The following SYNJ2 variants were observed in gnomAD, a reference collection of about 807,000 sequenced individuals.
SYNJ2 encodes polyphosphatidylinositol phosphatase SYNJ2.
In SYNJ2, 116 loss-of-function variants were observed where a neutral mutation model predicts 141.3. The observed-to-expected ratio is 0.82, with a 90% confidence interval of 0.71 to 0.96. The LOEUF is 0.96. Ranked by LOEUF, SYNJ2 falls within the 40% of genes least tolerant of loss-of-function variation. The pLI, the probability that SYNJ2 is intolerant of heterozygous loss-of-function variation, is 0.00. For missense variants in SYNJ2, 1,873 were observed against 1,934.8 expected (o/e 0.97, Z 0.60); for synonymous variants, 745 against 777.7 (o/e 0.96, Z 0.70).
intron 2 of SYNJ2, among the ~76,000 whole-genome samples, chr6:158,020,271 C>G (rs1778694602): frequency 7.0e-6 from 1 of 142,278 alleles, no homozygotes; most frequent in Admixed American, 6.7e-5. Flanking sequence ...GTGTGACCCC[C>G]ACCTGCGTGA....
At chr6:158,085,994 A>G (rs1459221196) in intron 22 of SYNJ2, among the ~76,000 whole-genome samples, 1 of 152,140 alleles carries the variant, frequency 6.6e-6, no homozygotes, top group Non-Finnish European at 1.5e-5. Context: ...GTGTGAGCAC[A>G]GATAGTCCTT....
intron 1 of SYNJ2, among the ~76,000 whole-genome samples, chr6:157,998,153 C>CTTCCTGGCAGTTT (rs1777705637): frequency 6.6e-6 from 1 of 152,248 alleles, no homozygotes; most frequent in Admixed American, 6.5e-5. Flanking sequence ...AGCGAGGGGT[C>CTTCCTGGCAGTTT]TTCCTGGCAG....
intron 4 of SYNJ2, among the ~76,000 whole-genome samples, chr6:158,037,563 G>A (rs575484602): frequency 2.2e-4 from 33 of 151,820 alleles, no homozygotes; most frequent in East Asian, 9.7e-4. Flanking sequence ...CACCACGCCC[G>A]GCTAATTTTT....
At position 157,987,557 on chromosome 6, in the gene SYNJ2, A is replaced by G. The variant is rs199962563; in HGVS notation, c.127+5469A>G. ...GCTGGGACTACAGGCGCGTGCCATC[A>G]CGTCCGGCTAATTTTTGTATTTTTA... On this transcript the variant is annotated intron_variant, in intron 1 of 26. Transcript: ENST00000355585. Among the ~76,000 whole-genome samples the G allele has an allele frequency of 2.9e-4, 44 of 151,900 alleles. 1 individual carries two copies. In the East Asian group the frequency reaches 4.9e-3, roughly 17 times the overall value.
Position 158,055,014 on chromosome 6 carries a change from C to T in SYNJ2, c.843C>T (p.Ala281=). Reference sequence around the variant, plus strand: ...TCCACAGAGGCCTGGAAGCCAATGCCCCTGCTTTCGACAGGTAGGGATTGT... The same window carrying T: ...TCCACAGAGGCCTGGAAGCCAATGCTCCTGCTTTCGACAGGTAGGGATTGT... ...LRLHRGLEAN[A]PAFDRHMVLL... Residue 281 remains alanine, a synonymous_variant, in exon 6 of 27, where the codon GCC becomes GCT. Coordinates refer to ENST00000355585, the MANE Select transcript of SYNJ2 (RefSeq NM_003898.4). The T allele has an allele frequency of 1.2e-6, 2 of 1,613,926 alleles. No individual in the cohort carries two copies. Among genetic ancestry groups the T allele is most frequent in the Non-Finnish European group, 1.7e-6 (2 of 1,180,018 alleles).
At chr6:158,041,071 A>G (rs774121845) in intron 4 of SYNJ2, among the ~76,000 whole-genome samples, 3 of 152,174 alleles carry the variant, frequency 2.0e-5, no homozygotes, top group African/African-American at 7.2e-5. Context: ...TGCTGGGACT[A>G]TGCCCCCCTC....
At chr6:158,045,588 A>T (rs917312742) in intron 5 of SYNJ2, among the ~76,000 whole-genome samples, 1 of 150,636 alleles carries the variant, frequency 6.6e-6, no homozygotes, top group Non-Finnish European at 1.5e-5. Flanking sequence ...ACTCACCCTC[A>T]GTCCTTGGAG....
At chr6:158,019,048 C>T (rs1305596564) in intron 2 of SYNJ2, among the ~76,000 whole-genome samples, 4 of 152,352 alleles carry the variant, frequency 2.6e-5, no homozygotes, top group African/African-American at 4.8e-5. Context: ...GTCACCCTGC[C>T]TTGCAGGTGT....
chr6:158,026,237 G>A (rs1779040591), intron 2 of SYNJ2, among the ~76,000 whole-genome samples: 1 of 152,188 alleles, frequency 6.6e-6, no homozygotes, highest in African/African-American at 2.4e-5. Flanking sequence ...TCTGCAAGGA[G>A]GTGTAATTAG....
chr6:158,028,729 A>T (rs1168004550), intron 2 of SYNJ2, 27 bp from the exon 3 acceptor site: 1 of 1,609,406 alleles, frequency 6.2e-7, no homozygotes. Context: ...TTCGACCCTG[A>T]GCTCTCCTGT....
intron 20 of SYNJ2, among the ~76,000 whole-genome samples, chr6:158,082,276 C>A (rs2025179): frequency 0.54 from 82,179 of 151,166 alleles, 22,793 homozygotes; most frequent in African/African-American, 0.66. Flanking sequence ...ATCATGAGGT[C>A]AGGATTTCGA....
chr6:158,069,720 G>A (rs983060047), intron 14 of SYNJ2, 47 bp downstream of exon 14: 1 of 1,548,074 alleles, frequency 6.5e-7, no homozygotes, highest in Non-Finnish European at 8.8e-7. Flanking sequence ...GGGGTTGTTA[G>A]TCTTTGTGTT....
intron 2 of SYNJ2, among the ~76,000 whole-genome samples, chr6:158,018,146 G>A (rs1257745278): frequency 6.6e-6 from 1 of 152,188 alleles, no homozygotes; most frequent in Non-Finnish European, 1.5e-5. Context: ...GAACTTCCAG[G>A]AAGACGTGGG....
At position 158,042,593 on chromosome 6, in the gene SYNJ2, C is replaced by A. The variant is rs538314785; in HGVS notation, c.712-723C>A. ...TTCTTGTCCTTTTAAAACTCCCTTG[C>A]ACTCCAGCGTCATTGGAGGCCTGCA... On this transcript the variant is annotated intron_variant, in intron 4 of 26. Transcript: ENST00000355585. Among the ~76,000 whole-genome samples, 9 of 152,338 alleles carry A rather than the reference C, an allele frequency of 5.9e-5. No homozygotes were observed. The South Asian group carries it at 1.9e-3, about 32-fold the overall frequency.
upstream of SYNJ2, chr6:157,981,861 G>A (rs1777023333): frequency 2.8e-6 from 3 of 1,088,036 alleles, no homozygotes; most frequent in South Asian, 9.2e-5. This position sits in a 1 kb window ranked among gnomAD's most constrained non-coding sequence, Gnocchi z 6.4. Flanking sequence ...GCGGCGCAAA[G>A]TGAAACTCTG....
intron 13 of SYNJ2, 45 bp from the exon 14 acceptor site, chr6:158,069,488 A>G (rs773357201): frequency 1.9e-6 from 3 of 1,585,864 alleles, no homozygotes; most frequent in Non-Finnish European, 2.6e-6. Context: ...AGATAGATGT[A>G]CTTCCAGCTA....
intron 6 of SYNJ2, among the ~76,000 whole-genome samples, chr6:158,057,400 G>A (rs570937734): frequency 3.1e-4 from 47 of 152,126 alleles, no homozygotes; most frequent in Non-Finnish European, 5.1e-4. Context: ...CACCAATAAC[G>A]AGCATTTTAC....
At chr6:158,017,405 C>CTTTTTTTTTTT in intron 2 of SYNJ2, 115 bp downstream of exon 2, 1 of 599,278 alleles carries the variant, frequency 1.7e-6, no homozygotes, top group Non-Finnish European at 2.3e-6. Context: ...TCTCTCTCTT[C>CTTTTTTTTTTT]TTTTTTTTTT....
rs780434246 is a variant in SYNJ2, at chr6:158,096,069, C to T, written c.4196C>T (p.Ala1399Val). ...AGCCCCGACAGCGATGGCACCAAAG[C>T]GATGAAGCCAGAGGCAGCCCCACTT... is the stretch of plus-strand genomic sequence containing the variant. ...ATSPDSDGTK[A>V]MKPEAAPLLG... Residue 1399 changes from alanine (A) to valine (V), a missense_variant, in exon 27 of 27, where the codon GCG becomes GTG. Coordinates refer to ENST00000355585, the MANE Select transcript of SYNJ2 (RefSeq NM_003898.4). 15 of 1,614,142 alleles carry T rather than the reference C, an allele frequency of 9.3e-6. No individual in the cohort carries two copies. Among genetic ancestry groups the T allele is most frequent in the South Asian group, 6.6e-5 (6 of 91,096 alleles).
Sources: allele counts gnomAD v4.1 joint callset (sites outside exome capture counted in the v4.1 genomes callset), GRCh38; gene constraint gnomAD v4.1.1; non-coding constraint Gnocchi (gnomAD v3.1); transcripts MANE v1.5; gene names NCBI Gene and HGNC (gene_info 2026-07-23, HGNC 2026-07-21).